CCAR1: variants seen among roughly 807,000 people sequenced by gnomAD.
CCAR1 encodes the protein cell division cycle and apoptosis regulator 1, also known as cell division cycle and apoptosis regulator protein 1.
In CCAR1, 78 loss-of-function variants were observed where a neutral mutation model predicts 163.8. That is an observed-to-expected ratio of 0.48 (90% confidence interval 0.40 to 0.57). The LOEUF is 0.57. CCAR1 is among the 20% of genes least tolerant of loss of function. CCAR1 has a pLI of 0.00. For synonymous variants in CCAR1, 443 were observed against 460.7 expected (o/e 0.96, Z 0.49); for missense variants, 1,019 against 1,365.2 (o/e 0.75, Z 4.00).
intron 5 of CCAR1, among the ~76,000 whole-genome samples, chr10:68,742,037 A>C (rs1313211188): frequency 6.6e-6 from 1 of 152,212 alleles, no homozygotes; most frequent in Non-Finnish European, 1.5e-5. Context: ...ATAACACATT[A>C]CTAGTATCTT....
chr10:68,776,677 T>G (rs2056671308), intron 19 of CCAR1, among the ~76,000 whole-genome samples: 1 of 152,218 alleles, frequency 6.6e-6, no homozygotes, highest in African/African-American at 2.4e-5. Context: ...CTCAGCTTCC[T>G]GAGTGGCTGG....
Position 68,749,187 on chromosome 10 carries a change from G to A in CCAR1, c.878G>A (p.Arg293Gln). Reference protein sequence around the residue: ...VRIVSQPQPARRLDPPSRFSG... With the variant: ...VRIVSQPQPAQRLDPPSRFSG... ...ATAGTTTCACAGCCACAACCGGCAC[G>A]ACGATTAGATCCCCCATCCCGATTT... The change falls in exon 9 of 25, where the codon CGA (arginine) becomes CAA (glutamine). Residue 293 changes from arginine to glutamine, a missense_variant. Arg to Gln is a conservative substitution (Grantham distance 43). This residue lies in a region of CCAR1 where 644 missense variants were observed against 904.4 expected (regional missense o/e 0.71). Coordinates refer to ENST00000265872, the MANE Select transcript of CCAR1 (RefSeq NM_018237.4). 2.5e-6 allele frequency: 4 copies of A among 1,613,746 alleles called. No homozygotes were observed. Among genetic ancestry groups the A allele is most frequent in the Non-Finnish European group, 3.4e-6 (4 of 1,179,898 alleles).
intron 19 of CCAR1, among the ~76,000 whole-genome samples, chr10:68,773,711 T>G (rs2056629834): frequency 6.6e-6 from 1 of 151,888 alleles, no homozygotes; most frequent in African/African-American, 2.4e-5. Context: ...CATATACTAA[T>G]TTTTTATTTT....
intron 10 of CCAR1, among the ~76,000 whole-genome samples, chr10:68,750,073 A>G (rs566456596): frequency 1.2e-4 from 19 of 152,212 alleles, no homozygotes; most frequent in South Asian, 6.2e-4. Flanking sequence ...GTAGTATAAT[A>G]GAAACATTGA....
Position 68,771,336 on chromosome 10 carries a change from A to G in CCAR1, c.2429A>G (p.Glu810Gly). ...KEKDKKSKKD[E>G]RKDKKEERDD... ...AAGGATAAAAAAAGCAAAAAAGATG[A>G]GAGAAAAGATAAAAAAGAAGAAAGA... The change falls in exon 18 of 25, where the codon GAG becomes GGG. Residue 810 changes from glutamate to glycine, a missense_variant. Physicochemically the swap from Glu to Gly is moderately conservative, Grantham distance 98 (BLOSUM62 -2). This residue lies in a region of CCAR1 where 358 missense variants were observed against 406.4 expected (regional missense o/e 0.88). Transcript: ENST00000265872. 6.2e-7 allele frequency: 1 copy of G among 1,607,362 alleles called. No individual in the cohort carries two copies. Among genetic ancestry groups the G allele is most frequent in the South Asian group, 1.1e-5 (1 of 89,620 alleles).
intron 8 of CCAR1, among the ~76,000 whole-genome samples, 196 bp downstream of exon 8, chr10:68,747,762 T>C (rs1159269833): frequency 6.6e-6 from 1 of 152,164 alleles, no homozygotes; most frequent in Non-Finnish European, 1.5e-5. Context: ...AAGATACACC[T>C]TTGTGGACTT....
At chr10:68,753,290 C>T (rs1030999678) in intron 10 of CCAR1, among the ~76,000 whole-genome samples, 7 of 152,130 alleles carry the variant, frequency 4.6e-5, no homozygotes, top group Non-Finnish European at 1.5e-5. Flanking sequence ...GGATCTTAAT[C>T]ATTCACAGAG....
At chr10:68,753,261 A>G (rs970783672) in intron 10 of CCAR1, among the ~76,000 whole-genome samples, 12 of 152,262 alleles carry the variant, frequency 7.9e-5, no homozygotes, top group Non-Finnish European at 1.2e-4. Flanking sequence ...TATCCCCTCT[A>G]TACATAATAA....
At chr10:68,754,485 A>G (rs915418814) in intron 11 of CCAR1, among the ~76,000 whole-genome samples, 2 of 152,210 alleles carry the variant, frequency 1.3e-5, no homozygotes, top group Non-Finnish European at 2.9e-5. Flanking sequence ...CATCCCTTCA[A>G]AAGTTAAAAC....
chr10:68,740,515 C>A, intron 4 of CCAR1, 114 bp from the exon 5 acceptor site: 2 of 887,648 alleles, frequency 2.3e-6, no homozygotes, highest in Non-Finnish European at 3.6e-6. Context: ...TGTTTAAATA[C>A]ATAAATAAAA....
At chr10:68,768,380 C>G (rs2056560995) in intron 17 of CCAR1, among the ~76,000 whole-genome samples, 1 of 151,718 alleles carries the variant, frequency 6.6e-6, no homozygotes, top group South Asian at 2.1e-4. Flanking sequence ...GAGGCTGAGG[C>G]AGGTGGATCA....
In CCAR1 at chr10:68,761,181, G is replaced by A. The variant is rs753341223; in HGVS notation, c.2095G>A (p.Asp699Asn). Residue 699 changes from aspartate to asparagine, a missense_variant, in exon 16 of 25, where the codon GAC (aspartate) becomes AAC (asparagine). Physicochemically the swap from Asp to Asn is conservative, Grantham distance 23 (BLOSUM62 1). Transcript: ENST00000265872. The stretch of plus-strand genomic sequence containing the variant: ...TGAGGATGATGATAGGAAATCTGAA[G>A]ACGATAAAGAGGTATGTACTCAATC... Reference protein sequence around the residue: ...EDEDDDRKSEDDKEEEERKRQ... With the variant: ...EDEDDDRKSENDKEEEERKRQ... 14 of 1,595,990 alleles carry A rather than the reference G, an allele frequency of 8.8e-6. No homozygotes were observed. Among genetic ancestry groups the A allele is most frequent in the Non-Finnish European group, 1.1e-5 (13 of 1,171,858 alleles).
intron 16 of CCAR1, among the ~76,000 whole-genome samples, chr10:68,762,327 TAA>T (rs11292489): frequency 1.4e-5 from 2 of 146,434 alleles, no homozygotes; most frequent in South Asian, 2.2e-4. Flanking sequence ...AGACTCTGTC[TAA>T]AAAAAAAAAC....
intron 15 of CCAR1, among the ~76,000 whole-genome samples, chr10:68,758,217 G>T (rs577143216): frequency 6.6e-5 from 10 of 151,922 alleles, no homozygotes; most frequent in African/African-American, 2.4e-4. Context: ...ACCATGCCAG[G>T]CTAATTTCTG....
At chr10:68,777,158 G>C (rs146713875) in intron 19 of CCAR1, among the ~76,000 whole-genome samples, 1 of 152,192 alleles carries the variant, frequency 6.6e-6, no homozygotes, top group East Asian at 1.9e-4. Context: ...AACTTATCCA[G>C]AATCAGTCCA....
intron 18 of CCAR1, 123 bp from the exon 19 acceptor site, chr10:68,772,865 C>CTTCA: frequency 2.3e-6 from 1 of 426,360 alleles, no homozygotes; most frequent in Non-Finnish European, 4.2e-6. Flanking sequence ...AATCCTAGCC[C>CTTCA]TTCAGAAGGC....
At chr10:68,783,661 G>C (rs1305465962) in intron 19 of CCAR1, among the ~76,000 whole-genome samples, 1 of 152,124 alleles carries the variant, frequency 6.6e-6, no homozygotes, top group Non-Finnish European at 1.5e-5. Flanking sequence ...GGGAATAACT[G>C]CAGGTATGAT....
intron 23 of CCAR1, among the ~76,000 whole-genome samples, chr10:68,788,599 C>G (rs1239163152): frequency 6.6e-6 from 1 of 152,186 alleles, no homozygotes; most frequent in African/African-American, 2.4e-5. Context: ...ATTCTCCCAC[C>G]TCAGTCTCCC....
rs117542332 is a variant in CCAR1, at chr10:68,779,938, T to C, written c.2651-6198T>C. On this transcript the variant is annotated intron_variant, in intron 19 of 24. Transcript: ENST00000265872. Reference sequence around the variant, plus strand: ...AGATAGCATGTTCTATAAATAAATTTAGTGTTGATAAGTGTGTATATATGG... The same window carrying C: ...AGATAGCATGTTCTATAAATAAATTCAGTGTTGATAAGTGTGTATATATGG... Among the ~76,000 whole-genome samples the C allele has an allele frequency of 5.8e-3, 881 of 152,334 alleles. 6 individuals are homozygous for C. The highest frequency in any genetic ancestry group is 0.038 in the South Asian group (185 of 4,830).
Sources: allele counts gnomAD v4.1 joint callset (sites outside exome capture counted in the v4.1 genomes callset), GRCh38; gene constraint gnomAD v4.1.1; regional missense constraint gnomAD v4.1.1; transcripts MANE v1.5; gene names NCBI Gene and HGNC (gene_info 2026-07-23, HGNC 2026-07-21).